The following SPATA16 variants were observed in gnomAD, a reference collection of about 807,000 sequenced individuals.
SPATA16 encodes the protein spermatogenesis associated 16, also known as spermatogenesis-associated protein 16.
Under a neutral mutation model 63.3 loss-of-function variants are expected in SPATA16, and 36 were observed. The observed-to-expected ratio is 0.57, with a 90% CI of 0.44 to 0.75. The LOEUF (loss-of-function observed/expected upper bound fraction) is 0.75. Ranked by LOEUF, SPATA16 falls within the 30% of genes least tolerant of loss-of-function variation. The probability of loss-of-function intolerance (pLI) is 0.00; values close to 1 mark genes in which losing one functional copy is unlikely to be tolerated. For missense variants in SPATA16, 646 were observed against 679.3 expected (o/e 0.95, Z 0.54); for synonymous variants, 203 against 216.7 (o/e 0.94, Z 0.56).
In SPATA16 at chr3:173,028,001, C is replaced by T. The variant is rs867288049; in HGVS notation, c.759-8426G>A. ...TCCCTCCCTCCCTCCCTCCCTCCCT[C>T]CCTCCCTCCCTCCCTTCCTTCTTTC... is the stretch of plus-strand genomic sequence containing the variant. On this transcript the variant is annotated intron_variant, in intron 3 of 10. Coordinates refer to ENST00000351008, the MANE Select transcript of SPATA16 (RefSeq NM_031955.6). 9.4e-3 allele frequency among the ~76,000 whole-genome samples: 595 copies of T among 63,178 alleles called. 15 individuals are homozygous for T. Among genetic ancestry groups the T allele is most frequent in the African/African-American group, 0.041 (559 of 13,602 alleles). 41.4% of individuals were successfully genotyped at this position (63,178 alleles called of 152,430 possible).
intron 1 of SPATA16, among the ~76,000 whole-genome samples, chr3:173,119,943 C>T (rs531389229): frequency 7.6e-4 from 116 of 152,156 alleles, no homozygotes; most frequent in Middle Eastern, 3.4e-3. Context: ...CAAAATTAGC[C>T]GGATGTGGTG....
intron 6 of SPATA16, among the ~76,000 whole-genome samples, chr3:172,927,974 A>G (rs982051749): frequency 6.6e-6 from 1 of 151,552 alleles, no homozygotes; most frequent in Non-Finnish European, 1.5e-5. Flanking sequence ...CAATGGCACT[A>G]TCTTGGCTCA....
chr3:172,988,067 CAA>C (rs1185097264), intron 4 of SPATA16, among the ~76,000 whole-genome samples: 13 of 152,088 alleles, frequency 8.5e-5, no homozygotes, highest in Admixed American at 8.5e-4. Context: ...GACCTGTAGG[CAA>C]AGAGGGAGAG....
Position 172,889,638 on chromosome 3 carries a change from T to C in SPATA16, c.1642A>G (p.Lys548Glu), listed in dbSNP as rs1341983099. 1.2e-6 allele frequency: 2 copies of C among 1,613,854 alleles called. No individual in the cohort carries two copies. The highest frequency in any genetic ancestry group is 3.3e-5 in the Admixed American group (2 of 60,014). The change falls in exon 11 of 11, where the codon AAA becomes GAA. Residue 548 changes from lysine (K) to glutamate (E), a missense_variant. Transcript: ENST00000351008. ...YQLEDSFLKT[K>E]KLRTARRQKT... ...TGCCTTCGAGCAGTTCTCAGTTTTT[T>C]AGTTTTTAAGAAACTGTCCTCTAAT...
rs1734176254 is a variant in SPATA16 at position 172,977,000 on chromosome 3, T to C, written c.901A>G (p.Ser301Gly). Residue 301 changes from serine to glycine, a missense_variant, in exon 5 of 11, where the codon AGC becomes GGC. Ser to Gly is a moderately conservative substitution (Grantham distance 56, BLOSUM62 0). Coordinates refer to ENST00000351008, the MANE Select transcript of SPATA16 (RefSeq NM_031955.6). The stretch of plus-strand genomic sequence containing the variant: ...TACAGTTTGATGAGCTTGCTTATGC[T>C]CTCTTCCCTTCCTCCACCAAGCCAG... Reference protein sequence around the residue: ...MFWLGGGREESISKLIKLYWQ... With the variant: ...MFWLGGGREEGISKLIKLYWQ... 1 of 1,612,050 alleles carries C rather than the reference T, an allele frequency of 6.2e-7. No individual in the cohort carries two copies. The highest frequency in any genetic ancestry group is 1.3e-5 in the African/African-American group (1 of 74,802).
intron 1 of SPATA16, among the ~76,000 whole-genome samples, chr3:173,135,150 T>C (rs903528161): frequency 2.0e-5 from 3 of 152,076 alleles, no homozygotes; most frequent in Non-Finnish European, 2.9e-5. Flanking sequence ...GGGCTAAACG[T>C]TTTAATAGAC....
intron 3 of SPATA16, among the ~76,000 whole-genome samples, chr3:173,038,653 A>T (rs1057387931): frequency 6.6e-6 from 1 of 152,058 alleles, no homozygotes; most frequent in African/African-American, 2.4e-5. Context: ...CCATCAAAAT[A>T]GTTTTCTCCT....
chr3:173,021,847 A>G (rs1208035590), intron 3 of SPATA16, among the ~76,000 whole-genome samples: 1 of 151,746 alleles, frequency 6.6e-6, no homozygotes, highest in African/African-American at 2.4e-5. Flanking sequence ...AGCATCTACA[A>G]ATTTGATGGG....
chr3:173,031,413 G>A (rs184670220), intron 3 of SPATA16, among the ~76,000 whole-genome samples: 2 of 150,662 alleles, frequency 1.3e-5, no homozygotes, highest in Non-Finnish European at 3.0e-5. Flanking sequence ...AAAGAGGGTC[G>A]CATAGCCAGT....
chr3:173,031,259 A>G (rs975626334), intron 3 of SPATA16, among the ~76,000 whole-genome samples: 2 of 151,796 alleles, frequency 1.3e-5, no homozygotes, highest in African/African-American at 2.4e-5. Context: ...AACGACAACA[A>G]AAATAACTGA....
intron 2 of SPATA16, among the ~76,000 whole-genome samples, chr3:173,112,444 G>C (rs1737772153): frequency 6.6e-6 from 1 of 152,148 alleles, no homozygotes; most frequent in Non-Finnish European, 1.5e-5. Context: ...GAGTAGCAGA[G>C]GCACACTGGT....
intron 5 of SPATA16, among the ~76,000 whole-genome samples, chr3:172,975,491 C>T (rs1734135486): frequency 6.6e-6 from 1 of 151,764 alleles, no homozygotes; most frequent in Non-Finnish European, 1.5e-5. Flanking sequence ...TTATAAAAGC[C>T]TCTGAAATCC....
At chr3:172,967,510 C>T (rs865902173) in intron 5 of SPATA16, among the ~76,000 whole-genome samples, 9 of 152,200 alleles carry the variant, frequency 5.9e-5, no homozygotes, top group Admixed American at 2.6e-4. Context: ...ATGGGAGTCT[C>T]ATTATGTTGC....
At chr3:173,051,451 C>T (rs1407974229) in intron 2 of SPATA16, among the ~76,000 whole-genome samples, 1 of 152,166 alleles carries the variant, frequency 6.6e-6, no homozygotes, top group Non-Finnish European at 1.5e-5. Flanking sequence ...ATCCACCCAC[C>T]TTGGCCTCCA....
intron 2 of SPATA16, among the ~76,000 whole-genome samples, chr3:173,091,516 A>G (rs1300888394): frequency 1.3e-5 from 2 of 152,066 alleles, no homozygotes; most frequent in African/African-American, 4.8e-5. Flanking sequence ...TGAATTTGCT[A>G]ATATTTGTTT....
intron 5 of SPATA16, among the ~76,000 whole-genome samples, chr3:172,959,330 G>A (rs1560079390): frequency 6.6e-6 from 1 of 152,184 alleles, no homozygotes; most frequent in Non-Finnish European, 1.5e-5. Flanking sequence ...TCATGTGGCA[G>A]CTTGATCTGC....
At chr3:173,076,028 A>G (rs1183565928) in intron 2 of SPATA16, among the ~76,000 whole-genome samples, 2 of 152,162 alleles carry the variant, frequency 1.3e-5, no homozygotes, top group Non-Finnish European at 2.9e-5. Flanking sequence ...TGTCACATGT[A>G]CCTTGTAAAT....
At chr3:173,042,947 CCTT>C (rs1735877412) in intron 3 of SPATA16, among the ~76,000 whole-genome samples, 2 of 152,012 alleles carry the variant, frequency 1.3e-5, no homozygotes, top group African/African-American at 2.4e-5. Flanking sequence ...TAGTAGTACA[CCTT>C]CTCTTAAATT....
intron 4 of SPATA16, 98 bp from the exon 5 acceptor site, chr3:172,977,150 T>C: frequency 1.0e-6 from 1 of 953,906 alleles, no homozygotes; most frequent in Non-Finnish European, 1.6e-6. Flanking sequence ...AGGAAGATGA[T>C]TTTTAATGTA....
Sources: gnomAD v4.1 joint callset for allele counts (sites outside exome capture counted in the v4.1 genomes callset) on GRCh38, gnomAD v4.1.1 for gene constraint, MANE v1.5 for transcripts, NCBI Gene and HGNC (gene_info 2026-07-23, HGNC 2026-07-21) for gene names.